H6PD: variants seen among roughly 807,000 people sequenced by gnomAD.
H6PD encodes the protein GDH/6PGL endoplasmic bifunctional protein.
H6PD carries 48 observed loss-of-function variants against 61.2 expected under a neutral mutation model. The observed-to-expected ratio is 0.78, with a 90% CI of 0.62 to 1.00. H6PD has a LOEUF of 1.00. H6PD is among the 50% of genes least tolerant of loss of function. H6PD has a pLI of 0.00. For missense variants in H6PD, 1,093 were observed against 1,065.0 expected, an observed-to-expected ratio of 1.03 and a Z score of -0.37; for synonymous variants, 480 against 457.9, an observed-to-expected ratio of 1.05 and a Z score of -0.62.
At chr1:9,242,211 C>CA (rs1203185569) in intron 1 of H6PD, among the ~76,000 whole-genome samples, 1 of 152,108 alleles carries the variant, frequency 6.6e-6, no homozygotes. Context: ...TCTCACTACT[C>CA]AAAGTGTGCT....
In H6PD at chr1:9,245,850, C is replaced by T. The variant is rs1236554521; in HGVS notation, c.627+289C>T. Among the ~76,000 whole-genome samples, 2 of 152,148 alleles carry T rather than the reference C, an allele frequency of 1.3e-5. No individual in the cohort carries two copies. The highest frequency in any genetic ancestry group is 4.8e-5 in the African/African-American group (2 of 41,440). On this transcript the variant is annotated intron_variant, in intron 2 of 4. Coordinates refer to ENST00000377403, the MANE Select transcript of H6PD (RefSeq NM_004285.4). This position sits in a 1 kb window ranked among gnomAD's most constrained non-coding sequence, Gnocchi z 4.8. ...GGCTTCTCACGGTTGCCCTGCATCC[C>T]CTGTAGCGGTGGCTCAGCAACTCTG...
rs1638729407 is a variant in H6PD, at chr1:9,270,947, C to CTTTTTATTTTTTT, written c.*6083_*6084insATTTTTTTTTTTT. ...TGATGAGGCACATTCAGAACAAATG[C>CTTTTTATTTTTTT]TTTTTTTTTTTTGAGACAGAGTCTC... On this transcript the variant is annotated 3_prime_UTR_variant, in exon 5 of 5. Coordinates refer to ENST00000377403, the MANE Select transcript of H6PD (RefSeq NM_004285.4). The CTTTTTATTTTTTT allele has an allele frequency of 7.1e-6, 1 of 140,112 alleles. No homozygotes were observed. Among genetic ancestry groups the CTTTTTATTTTTTT allele is most frequent in the African/African-American group, 2.8e-5 (1 of 36,294 alleles). 8.7% of individuals were successfully genotyped at this position (140,112 alleles called of 1,614,324 possible).
At chr1:9,253,687 C>T (rs756762045) in intron 3 of H6PD, among the ~76,000 whole-genome samples, 16 of 152,316 alleles carry the variant, frequency 1.1e-4, no homozygotes, top group South Asian at 4.1e-4. Context: ...TACCTCCAGC[C>T]GCCTTTTAGA....
In H6PD at chr1:9,256,385, C is replaced by T. The variant is rs143536284; in HGVS notation, c.746-5674C>T. Among the ~76,000 whole-genome samples the T allele has an allele frequency of 6.6e-5, 10 of 152,262 alleles. No individual in the cohort carries two copies. The East Asian group carries it at 1.4e-3, about 21-fold the overall frequency. On this transcript the variant is annotated intron_variant, in intron 3 of 4. Coordinates refer to ENST00000377403, the MANE Select transcript of H6PD (RefSeq NM_004285.4). ...CCCTCTAGCTCCTGGTTGTTATGGC[C>T]GGGGACAGAGTGCCTTCCTACGAGT...
chr1:9,250,467 C>T (rs537338941), intron 3 of H6PD, among the ~76,000 whole-genome samples: 2 of 147,798 alleles, frequency 1.4e-5, no homozygotes, highest in African/African-American at 2.6e-5. Context: ...CTACACACAC[C>T]GCAGGCCATT....
chr1:9,264,564 C>T lies in H6PD; in HGVS notation c.2071C>T (p.Leu691=). 1 of 1,613,348 alleles carries T rather than the reference C, an allele frequency of 6.2e-7. No individual in the cohort carries two copies. The highest frequency in any genetic ancestry group is 8.5e-7 in the Non-Finnish European group (1 of 1,179,954). The change falls in exon 5 of 5, where the codon CTG becomes TTG. Residue 691 remains leucine (L), a synonymous_variant. Transcript: ENST00000377403. The stretch of plus-strand genomic sequence containing the variant: ...CAACAGCAGCTTCGACCTGGTGCTG[C>T]TGGGCATGGGTGCCGACGGGCACAC... ...VANSSFDLVL[L]GMGADGHTAS... is the part of the protein sequence containing the mutation.
chr1:9,239,287 T>C (rs997425136), intron 1 of H6PD, among the ~76,000 whole-genome samples: 1 of 152,116 alleles, frequency 6.6e-6, no homozygotes, highest in African/African-American at 2.4e-5. Flanking sequence ...GCTCAAGTAG[T>C]CCTCCCGTCT....
rs750176902 is a variant in H6PD at position 9,263,787 on chromosome 1, G to A, written c.1294G>A (p.Gly432Arg). The change falls in exon 5 of 5, where the codon GGA becomes AGA. Residue 432 changes from glycine to arginine, a missense_variant. By Grantham distance (125) the Gly-to-Arg change is moderately radical. Transcript: ENST00000377403. ...GCCCTCCAGCTGGAAGGAAATGGAG[G>A]GACCACCTGGGCTCCGCCTTTTCGG... ...SLPSSWKEME[G>R]PPGLRLFGSP... 1.9e-6 allele frequency: 3 copies of A among 1,613,950 alleles called. No individual in the cohort carries two copies. Among genetic ancestry groups the A allele is most frequent in the South Asian group, 1.1e-5 (1 of 91,086 alleles).
At chr1:9,255,889 G>A (rs1242840523) in intron 3 of H6PD, among the ~76,000 whole-genome samples, 1 of 152,188 alleles carries the variant, frequency 6.6e-6, no homozygotes, top group Non-Finnish European at 1.5e-5. Context: ...TGTTTCTAAA[G>A]GCCAGTGGTG....
At chr1:9,242,773 G>A in intron 1 of H6PD, 8 of 985,476 alleles carry the variant, frequency 8.1e-6, no homozygotes, top group Non-Finnish European at 9.6e-6. Flanking sequence ...CAGCTCTGAA[G>A]CGCAGCCTGC....
chr1:9,270,681 G>C lies in H6PD; in HGVS notation c.*5812G>C, dbSNP rs12144045. 0.2 allele frequency: 29,780 copies of C among 152,354 alleles called. 3,210 individuals are homozygous for C. The highest frequency in any genetic ancestry group is 0.26 in the Middle Eastern group (75 of 294). The allele number at this position is 152,354 out of a possible 1,614,324, so 9.4% of individuals were successfully genotyped here. On this transcript the variant is annotated 3_prime_UTR_variant, in exon 5 of 5. Coordinates refer to ENST00000377403, the MANE Select transcript of H6PD (RefSeq NM_004285.4). ...GCAGTGCTAAGAGGCTGTTGCAGGA[G>C]AACTAGACGGGCGGGGCCTGCTGCA...
chr1:9,270,624 A>G lies in H6PD; in HGVS notation c.*5755A>G, dbSNP rs759039676. 6.6e-6 allele frequency: 1 copy of G among 152,182 alleles called. No homozygotes were observed. Among genetic ancestry groups the G allele is most frequent in the African/African-American group, 2.4e-5 (1 of 41,426 alleles). The allele number at this position is 152,182 out of a possible 1,614,324, so 9.4% of individuals were successfully genotyped here. On this transcript the variant is annotated 3_prime_UTR_variant, in exon 5 of 5. Coordinates refer to ENST00000377403, the MANE Select transcript of H6PD (RefSeq NM_004285.4). The stretch of plus-strand genomic sequence containing the variant: ...CATCTTTACCTGTGCCGGAGTGGGA[A>G]CTGTGATTCCAGCCGGGCAGGTCAG...
chr1:9,248,467 TG>T (rs1641255509), intron 3 of H6PD, among the ~76,000 whole-genome samples: 1 of 151,852 alleles, frequency 6.6e-6, no homozygotes, highest in South Asian at 2.1e-4. Context: ...ACGGGTGCTG[TG>T]GGGGGTGATG....
intron 4 of H6PD, 77 bp from the exon 5 acceptor site, chr1:9,263,432 G>C: frequency 2.1e-6 from 3 of 1,440,480 alleles, no homozygotes; most frequent in Admixed American, 3.3e-5. Context: ...CAGAGGAGCC[G>C]GCAAGGAGAG....
At position 9,254,222 on chromosome 1, in the gene H6PD, G is replaced by C. The variant is rs893866329; in HGVS notation, c.745+7139G>C. On this transcript the variant is annotated intron_variant, in intron 3 of 4. Transcript: ENST00000377403. This position sits in a 1 kb window ranked among gnomAD's most constrained non-coding sequence, Gnocchi z 4.6. ...ATACAAAAATTATCCAGGCATGGTA[G>C]TTTGTGCCTGTAATCCCAGCTACTC... Among the ~76,000 whole-genome samples the C allele has an allele frequency of 2.6e-5, 4 of 152,184 alleles. No homozygotes were observed. Among genetic ancestry groups the C allele is most frequent in the African/African-American group, 9.7e-5 (4 of 41,438 alleles).
At chr1:9,242,578 A>G (rs1641030661) in intron 1 of H6PD, 1 of 985,344 alleles carries the variant, frequency 1.0e-6, no homozygotes, top group Non-Finnish European at 1.2e-6. Context: ...ACAGGATTAA[A>G]GAGAGGGCCA....
intron 3 of H6PD, among the ~76,000 whole-genome samples, chr1:9,253,982 C>T (rs1029789657): frequency 1.3e-5 from 2 of 152,074 alleles, no homozygotes; most frequent in African/African-American, 4.8e-5. Flanking sequence ...AAGGGAGGTG[C>T]GGGGATTGTT....
At chr1:9,246,718 G>A (rs1641185654) in intron 2 of H6PD, among the ~76,000 whole-genome samples, 1 of 152,198 alleles carries the variant, frequency 6.6e-6, no homozygotes, top group African/African-American at 2.4e-5. Flanking sequence ...AAAATTGATT[G>A]TAATAGAAGA....
rs148254107 is a variant in H6PD at position 9,264,024 on chromosome 1, T to C, written c.1531T>C (p.Leu511=). 249 of 1,614,192 alleles carry C rather than the reference T, an allele frequency of 1.5e-4. 1 individual carries two copies. Among genetic ancestry groups the C allele is most frequent in the Middle Eastern group, 9.9e-4 (6 of 6,062 alleles). ...YPGGAENGRL[L]DFEFSSGRLF... ...TGGAGGAGCTGAGAATGGCCGTCTG[T>C]TGGACTTTGAGTTCAGTAGCGGCCG... The change falls in exon 5 of 5, where the codon TTG becomes CTG. Residue 511 remains leucine (L), a synonymous_variant. Transcript: ENST00000377403.
Sources: gnomAD v4.1 joint callset for allele counts (sites outside exome capture counted in the v4.1 genomes callset) on GRCh38, gnomAD v4.1.1 for gene constraint, Gnocchi (gnomAD v3.1) non-coding constraint, MANE v1.5 for transcripts, NCBI Gene and HGNC (gene_info 2026-07-23, HGNC 2026-07-21) for gene names.